The following TMEM132C variants were observed in gnomAD, a reference collection of about 807,000 sequenced individuals.
TMEM132C encodes the protein protein phosphatase 1, regulatory subunit 152.
Under a neutral mutation model 61.4 loss-of-function variants are expected in TMEM132C, and 29 were observed. The observed-to-expected ratio is 0.47, with a 90% CI of 0.35 to 0.64. The LOEUF (loss-of-function observed/expected upper bound fraction) is 0.64, where lower values mean the gene tolerates loss of function less well. TMEM132C is among the 30% of genes least tolerant of loss of function. TMEM132C has a pLI of 0.00. For synonymous variants in TMEM132C, 656 were observed against 633.1 expected, an observed-to-expected ratio of 1.04 and a Z score of -0.54; for missense variants, 1,408 against 1,476.9, an observed-to-expected ratio of 0.95 and a Z score of 0.76.
At chr12:128,368,060 A>G (rs541865960) in intron 1 of TMEM132C, among the ~76,000 whole-genome samples, 1 of 152,324 alleles carries the variant, frequency 6.6e-6, no homozygotes, top group East Asian at 1.9e-4. Context: ...CGTGAATTAG[A>G]AAAAGCTGAT....
intron 2 of TMEM132C, among the ~76,000 whole-genome samples, chr12:128,449,008 GC>G (rs1019100804): frequency 6.6e-6 from 1 of 151,600 alleles, no homozygotes; most frequent in Non-Finnish European, 1.5e-5. Context: ...GCGGTGGCGG[GC>G]ACCTGTAGTC....
chr12:128,630,299 C>A lies in TMEM132C; in HGVS notation c.1305+13964C>A, dbSNP rs1383725849. Among the ~76,000 whole-genome samples, 1 of 152,144 alleles carries A rather than the reference C, an allele frequency of 6.6e-6. No homozygotes were observed. Among genetic ancestry groups the A allele is most frequent in the Non-Finnish European group, 1.5e-5 (1 of 68,022 alleles). On this transcript the variant is annotated intron_variant, in intron 4 of 8. Coordinates refer to ENST00000435159, the MANE Select transcript of TMEM132C (RefSeq NM_001136103.3). This position sits in a 1 kb window ranked among gnomAD's most constrained non-coding sequence, Gnocchi z 4.3. ...CATGAGGGTCACTAGGGGGCAGGGG[C>A]TGGAGCTTCTGGCCACATCCCACAC...
chr12:128,422,510 C>T (rs1475477466), intron 2 of TMEM132C, among the ~76,000 whole-genome samples: 2 of 152,152 alleles, frequency 1.3e-5, no homozygotes, highest in Non-Finnish European at 2.9e-5. Flanking sequence ...GATTTGTTCT[C>T]TACTTGTAAC....
chr12:128,317,838 G>A (rs1266075216), intron 1 of TMEM132C, among the ~76,000 whole-genome samples: 1 of 152,168 alleles, frequency 6.6e-6, no homozygotes, highest in East Asian at 1.9e-4. Flanking sequence ...TGAGCAGTGA[G>A]GTTGCAGTGG....
At chr12:128,416,090 A>G (rs1297322917) in intron 2 of TMEM132C, among the ~76,000 whole-genome samples, 1 of 152,196 alleles carries the variant, frequency 6.6e-6, no homozygotes, top group African/African-American at 2.4e-5. Flanking sequence ...GTGGTGTTAA[A>G]GATTGCCAGT....
At chr12:128,396,884 C>T (rs1054215117) in intron 1 of TMEM132C, among the ~76,000 whole-genome samples, 11 of 152,208 alleles carry the variant, frequency 7.2e-5, no homozygotes, top group African/African-American at 2.7e-4. Flanking sequence ...TTGCTGTGTT[C>T]AGGCAGTTTA....
intron 3 of TMEM132C, among the ~76,000 whole-genome samples, chr12:128,582,812 T>A (rs887614733): frequency 6.6e-5 from 10 of 152,116 alleles, no homozygotes. Context: ...CAGACTGATA[T>A]ACCCAGGCTG....
At chr12:128,324,090 A>G (rs1358666800) in intron 1 of TMEM132C, among the ~76,000 whole-genome samples, 2 of 152,194 alleles carry the variant, frequency 1.3e-5, no homozygotes, top group Non-Finnish European at 1.5e-5. Flanking sequence ...TGGACGTGTG[A>G]TCTGCTTAGA....
intron 2 of TMEM132C, among the ~76,000 whole-genome samples, chr12:128,471,257 G>A (rs541640652): frequency 6.6e-5 from 10 of 152,150 alleles, no homozygotes; most frequent in Non-Finnish European, 1.3e-4. Flanking sequence ...GGGGAAAATC[G>A]CCCTCAGTGG....
chr12:128,469,545 G>A (rs1271093820), intron 2 of TMEM132C, among the ~76,000 whole-genome samples: 1 of 151,900 alleles, frequency 6.6e-6, no homozygotes, highest in Non-Finnish European at 1.5e-5. Context: ...TCAAACTCCT[G>A]AACTCGAGAG....
chr12:128,301,203 A>G (rs1415006645), intron 1 of TMEM132C, among the ~76,000 whole-genome samples: 2 of 152,136 alleles, frequency 1.3e-5, no homozygotes, highest in Non-Finnish European at 2.9e-5. Flanking sequence ...TGAAAAAGGA[A>G]AGGAAGTGTA....
intron 1 of TMEM132C, among the ~76,000 whole-genome samples, chr12:128,325,954 C>T (rs2135939834): frequency 6.6e-6 from 1 of 152,172 alleles, no homozygotes; most frequent in South Asian, 2.1e-4. Flanking sequence ...CCACAGTGAG[C>T]AGGACATATG....
intron 1 of TMEM132C, among the ~76,000 whole-genome samples, chr12:128,396,568 AAATAAT>A (rs755884774): frequency 2.0e-5 from 3 of 151,916 alleles, no homozygotes; most frequent in East Asian, 1.9e-4. Flanking sequence ...ACTTAAAGTA[AAATAAT>A]AATAATAATA....
intron 1 of TMEM132C, among the ~76,000 whole-genome samples, chr12:128,406,448 C>T (rs776916801): frequency 1.1e-4 from 17 of 152,102 alleles, no homozygotes; most frequent in Non-Finnish European, 2.2e-4. Context: ...AACATGCACA[C>T]AAACAAATAT....
chr12:128,531,407 A>G (rs1001355180), intron 2 of TMEM132C, among the ~76,000 whole-genome samples: 10 of 152,358 alleles, frequency 6.6e-5, no homozygotes, highest in Admixed American at 5.2e-4. Context: ...AGCTGTTTTC[A>G]CAGCCAACCT....
intron 2 of TMEM132C, among the ~76,000 whole-genome samples, chr12:128,482,023 T>C (rs1178299067): frequency 1.3e-5 from 2 of 152,232 alleles, no homozygotes; most frequent in African/African-American, 4.8e-5. Flanking sequence ...TGATATTGGC[T>C]GTTGGTCTGT....
intron 1 of TMEM132C, among the ~76,000 whole-genome samples, chr12:128,283,289 G>A (rs562991577): frequency 7.4e-4 from 113 of 152,260 alleles, no homozygotes; most frequent in African/African-American, 2.7e-3. Flanking sequence ...CTTTCTGGAT[G>A]TAAGATCCTC....
At chr12:128,310,278 G>A (rs1454021264) in intron 1 of TMEM132C, among the ~76,000 whole-genome samples, 2 of 152,304 alleles carry the variant, frequency 1.3e-5, no homozygotes, top group Admixed American at 1.3e-4. Context: ...GAGTGGATTG[G>A]TGGCTACCAG....
chr12:128,478,705 G>A (rs535918292), intron 2 of TMEM132C, among the ~76,000 whole-genome samples: 1 of 152,286 alleles, frequency 6.6e-6, no homozygotes, highest in Admixed American at 6.5e-5. Flanking sequence ...ATTACCGGAG[G>A]TACAGCAAAG....
Sources: allele counts gnomAD v4.1 joint callset (sites outside exome capture counted in the v4.1 genomes callset), GRCh38; gene constraint gnomAD v4.1.1; non-coding constraint Gnocchi (gnomAD v3.1); transcripts MANE v1.5; gene names NCBI Gene and HGNC (gene_info 2026-07-23, HGNC 2026-07-21).